The following HERC3 variants were observed in gnomAD, a reference collection of about 807,000 sequenced individuals.
HERC3 encodes probable E3 ubiquitin-protein ligase HERC3.
A neutral mutation model predicts 129.9 loss-of-function variants in HERC3; 58 were observed. That is an observed-to-expected ratio of 0.45 (90% CI 0.36 to 0.56). The LOEUF is 0.56. Among genes scored for constraint, HERC3 ranks in the 20% least tolerant of loss-of-function variants. The probability of loss-of-function intolerance (pLI) is 0.00; values close to 1 mark genes in which losing one functional copy is unlikely to be tolerated. For missense variants in HERC3, 835 were observed against 1,244.2 expected (o/e 0.67, Z 4.95); for synonymous variants, 430 against 451.0 (o/e 0.95, Z 0.59).
intron 18 of HERC3, among the ~76,000 whole-genome samples, chr4:88,676,670 G>A (rs760262195): frequency 3.3e-5 from 5 of 152,182 alleles, no homozygotes; most frequent in Non-Finnish European, 5.9e-5. Flanking sequence ...GAACCGTATG[G>A]TCTCTGTTAC....
At chr4:88,645,397 G>A (rs988435427) in intron 3 of HERC3, among the ~76,000 whole-genome samples, 1 of 152,100 alleles carries the variant, frequency 6.6e-6, no homozygotes, top group Non-Finnish European at 1.5e-5. Flanking sequence ...ACATCTAAGT[G>A]GTGAAAGTTT....
intron 3 of HERC3, among the ~76,000 whole-genome samples, chr4:88,608,646 T>G (rs1723937702): frequency 6.6e-6 from 1 of 152,236 alleles, no homozygotes; most frequent in African/African-American, 2.4e-5. Flanking sequence ...TCAAATGGTC[T>G]TCATACTGGA....
At chr4:88,690,731 C>A in intron 23 of HERC3, 1 of 524,292 alleles carries the variant, frequency 1.9e-6, no homozygotes, top group Non-Finnish European at 2.4e-6. Flanking sequence ...TATTTTTTGT[C>A]TCTGTCTTTT....
chr4:88,639,797 A>C (rs764279594), intron 3 of HERC3, among the ~76,000 whole-genome samples: 1 of 152,214 alleles, frequency 6.6e-6, no homozygotes, highest in Non-Finnish European at 1.5e-5. Context: ...TGAACAGGCA[A>C]CCTACAAAAT....
intron 16 of HERC3, among the ~76,000 whole-genome samples, chr4:88,675,577 A>T (rs1732072932): frequency 6.6e-6 from 1 of 152,082 alleles, no homozygotes; most frequent in Admixed American, 6.6e-5. Context: ...AAGTGAACCT[A>T]TAACATATCT....
At chr4:88,703,152 A>T (rs1735473622) in intron 23 of HERC3, among the ~76,000 whole-genome samples, 1 of 152,106 alleles carries the variant, frequency 6.6e-6, no homozygotes, top group African/African-American at 2.4e-5. Context: ...AGCCAAATAC[A>T]CACCCTTAAC....
intron 19 of HERC3, 67 bp from the exon 20 acceptor site, chr4:88,680,026 C>G: frequency 7.2e-7 from 1 of 1,381,028 alleles, no homozygotes; most frequent in South Asian, 1.5e-5. Context: ...AGAAAATGGT[C>G]TGCTAAAAAG....
intron 23 of HERC3, among the ~76,000 whole-genome samples, chr4:88,691,238 G>A (rs1437142132): frequency 2.0e-5 from 3 of 152,162 alleles, no homozygotes; most frequent in Non-Finnish European, 4.4e-5. Flanking sequence ...CGGTTTTTCA[G>A]AGTACTCATT....
the HERC3 span, among the ~76,000 whole-genome samples, chr4:88,557,634 G>C: frequency 6.6e-6 from 1 of 152,054 alleles, no homozygotes; most frequent in Non-Finnish European, 1.5e-5. Context: ...AAAGAATAAA[G>C]TCCAGCTCTA....
chr4:88,678,660 G>GGT (rs1732423572), intron 19 of HERC3, among the ~76,000 whole-genome samples: 1 of 152,130 alleles, frequency 6.6e-6, no homozygotes, highest in African/African-American at 2.4e-5. Context: ...GTACACAGTA[G>GGT]GTATTCCAGA....
At chr4:88,667,558 GA>G in intron 13 of HERC3, 70 bp downstream of exon 13, 1 of 826,826 alleles carries the variant, frequency 1.2e-6, no homozygotes. Flanking sequence ...AACTTCAAGA[GA>G]AAAAGAGTAA....
At chr4:88,527,100 C>T in the HERC3 span, 2 of 152,202 alleles carry the variant, frequency 1.3e-5, no homozygotes, top group Non-Finnish European at 2.9e-5. Context: ...GAAGGATAAT[C>T]ACAAATTCTG....
At chr4:88,591,650 G>A (rs1721716350), upstream of HERC3, among the ~76,000 whole-genome samples, 1 of 152,106 alleles carries the variant, frequency 6.6e-6, no homozygotes, top group African/African-American at 2.4e-5. Context: ...GATTAGCTGT[G>A]GATCAGATCA....
chr4:88,599,102 C>T (rs1578138145), intron 2 of HERC3, among the ~76,000 whole-genome samples: 1 of 152,184 alleles, frequency 6.6e-6, no homozygotes, highest in South Asian at 2.1e-4. Context: ...AAATGCCCAG[C>T]GATGCAGACC....
chr4:88,572,797 G>A, the HERC3 span, among the ~76,000 whole-genome samples: 3 of 112,244 alleles, frequency 2.7e-5, no homozygotes, highest in African/African-American at 1.3e-4. Context: ...AATAGAGCAA[G>A]ACTGTCTCAA....
chr4:88,637,441 A>G, intron 3 of HERC3, among the ~76,000 whole-genome samples: 1 of 152,052 alleles, frequency 6.6e-6, no homozygotes, highest in East Asian at 1.9e-4. Context: ...AAACAAACAA[A>G]CAAAAAGCCA....
the HERC3 span, among the ~76,000 whole-genome samples, chr4:88,549,987 A>G: frequency 6.6e-6 from 1 of 152,138 alleles, no homozygotes; most frequent in Admixed American, 6.5e-5. Flanking sequence ...AAGTTTCCTT[A>G]TTGGGGAATC....
upstream of HERC3, among the ~76,000 whole-genome samples, chr4:88,590,200 G>A (rs1423176434): frequency 1.3e-5 from 2 of 151,886 alleles, no homozygotes; most frequent in Admixed American, 6.6e-5. Context: ...CCGGGGAGGT[G>A]GATGTTGCAG....
chr4:88,679,444 A>G lies in HERC3; in HGVS notation c.2197-649A>G, dbSNP rs184545540. Among the ~76,000 whole-genome samples the G allele has an allele frequency of 3.3e-5, 5 of 151,426 alleles. No homozygotes were observed. The East Asian group carries it at 9.7e-4, about 29-fold the overall frequency. On this transcript the variant is annotated intron_variant, in intron 19 of 25. Transcript: ENST00000402738. ...TGCCAGAATATTTACCTCTCATTAT[A>G]TATTTGACTCTTTAAAAATAAAAAG...
Sources: allele counts gnomAD v4.1 joint callset (sites outside exome capture counted in the v4.1 genomes callset), GRCh38; gene constraint gnomAD v4.1.1; transcripts MANE v1.5; gene names NCBI Gene and HGNC (gene_info 2026-07-23, HGNC 2026-07-21).